RAB3C: variants seen among roughly 807,000 people sequenced by gnomAD.
RAB3C encodes RAB3C, member RAS oncogene family.
A neutral mutation model predicts 26.4 loss-of-function variants in RAB3C; 17 were observed. The observed-to-expected ratio is 0.64, with a 90% CI of 0.44 to 0.97. RAB3C has a LOEUF of 0.97. Ranked by LOEUF, RAB3C falls within the 50% of genes least tolerant of loss-of-function variation. The probability of loss-of-function intolerance (pLI) is 0.00; values close to 1 mark genes in which losing one functional copy is unlikely to be tolerated. For synonymous variants in RAB3C, 91 were observed against 95.9 expected (o/e 0.95, Z 0.30); for missense variants, 242 against 281.9 (o/e 0.86, Z 1.01).
intron 3 of RAB3C, among the ~76,000 whole-genome samples, chr5:58,730,109 A>G (rs936933324): frequency 3.3e-5 from 5 of 151,508 alleles, no homozygotes; most frequent in African/African-American, 1.2e-4. Context: ...TATTGCCGCT[A>G]TGGCACCAAT....
rs1401159336 is a variant in RAB3C, at chr5:58,855,179, A to G, written c.*3828A>G. 6.6e-6 allele frequency: 1 copy of G among 152,130 alleles called. No individual in the cohort carries two copies. The highest frequency in any genetic ancestry group is 1.5e-5 in the Non-Finnish European group (1 of 68,022). The allele number at this position is 152,130 out of a possible 1,614,324, so 9.4% of individuals were successfully genotyped here. A position where few individuals can be genotyped will look rare whatever the true frequency, so the allele number is the denominator to read the frequency against. On this transcript the variant is annotated 3_prime_UTR_variant, in exon 5 of 5. Coordinates refer to ENST00000282878, the MANE Select transcript of RAB3C (RefSeq NM_138453.4). Reference sequence around the variant, plus strand: ...TAGTTAACAGTGTGGCATTTGTGGGACTATATTAAAAGCATATCCAAACTA... The same window carrying G: ...TAGTTAACAGTGTGGCATTTGTGGGGCTATATTAAAAGCATATCCAAACTA...
chr5:58,589,816 T>C (rs1746091357), intron 1 of RAB3C, among the ~76,000 whole-genome samples: 1 of 152,178 alleles, frequency 6.6e-6, no homozygotes, highest in Non-Finnish European at 1.5e-5. Context: ...CAATACCTCT[T>C]AAAAGTAGAG....
At chr5:58,669,081 C>T (rs779330239) in intron 2 of RAB3C, among the ~76,000 whole-genome samples, 7 of 152,138 alleles carry the variant, frequency 4.6e-5, no homozygotes, top group African/African-American at 7.2e-5. Flanking sequence ...CCCCCACAAC[C>T]TAATTACCTC....
At chr5:58,785,254 C>A (rs1051268594) in intron 3 of RAB3C, among the ~76,000 whole-genome samples, 1 of 152,168 alleles carries the variant, frequency 6.6e-6, no homozygotes, top group South Asian at 2.1e-4. Flanking sequence ...GTGTCCCACC[C>A]CCCATAAAAT....
At chr5:58,711,380 T>G (rs1749059484) in intron 2 of RAB3C, among the ~76,000 whole-genome samples, 1 of 152,192 alleles carries the variant, frequency 6.6e-6, no homozygotes, top group Non-Finnish European at 1.5e-5. Context: ...AGAGAACTTT[T>G]CTCATTTATG....
intron 3 of RAB3C, among the ~76,000 whole-genome samples, chr5:58,764,737 T>G (rs1387441407): frequency 6.6e-6 from 1 of 152,204 alleles, no homozygotes; most frequent in Non-Finnish European, 1.5e-5. Flanking sequence ...CGATAATAAC[T>G]TGGCACATTT....
chr5:58,714,342 G>T (rs1296532761), intron 2 of RAB3C, among the ~76,000 whole-genome samples: 1 of 152,118 alleles, frequency 6.6e-6, no homozygotes, highest in African/African-American at 2.4e-5. Flanking sequence ...AGTGAAGATA[G>T]ACTATAACTA....
At chr5:58,626,664 C>T (rs6450488) in intron 2 of RAB3C, among the ~76,000 whole-genome samples, 2,132 of 152,122 alleles carry the variant, frequency 0.014, 43 homozygotes, top group African/African-American at 0.048. Flanking sequence ...ATAGTCTTAT[C>T]GTAAAGATGA....
intron 3 of RAB3C, among the ~76,000 whole-genome samples, chr5:58,819,540 A>C (rs377050498): frequency 6.6e-6 from 1 of 152,208 alleles, no homozygotes. Flanking sequence ...TCAAGAACAC[A>C]ATAGCATTTT....
At chr5:58,622,887 A>G (rs1746965656) in intron 2 of RAB3C, among the ~76,000 whole-genome samples, 3 of 152,206 alleles carry the variant, frequency 2.0e-5, no homozygotes, top group South Asian at 2.1e-4. Context: ...ACTTGACCAC[A>G]TGGTAGAAGA....
At chr5:58,844,308 A>G (rs1203498318) in intron 4 of RAB3C, among the ~76,000 whole-genome samples, 1 of 152,210 alleles carries the variant, frequency 6.6e-6, no homozygotes, top group African/African-American at 2.4e-5. Flanking sequence ...CAGAAGTAGG[A>G]AAATGCTACC....
chr5:58,826,672 A>T (rs1055465898), intron 4 of RAB3C, among the ~76,000 whole-genome samples: 1 of 152,206 alleles, frequency 6.6e-6, no homozygotes, highest in Non-Finnish European at 1.5e-5. Flanking sequence ...ACTTGATGAG[A>T]TTCACTCTGT....
chr5:58,603,384 C>T (rs916253082), intron 1 of RAB3C, among the ~76,000 whole-genome samples: 15 of 152,126 alleles, frequency 9.9e-5, no homozygotes, highest in African/African-American at 3.6e-4. Context: ...GGGAAGTTTT[C>T]CTCAATTATT....
At chr5:58,842,973 G>C (rs995142877) in intron 4 of RAB3C, among the ~76,000 whole-genome samples, 1 of 152,174 alleles carries the variant, frequency 6.6e-6, no homozygotes, top group African/African-American at 2.4e-5. Flanking sequence ...TAAGAAGATG[G>C]ACATTAGGGA....
chr5:58,654,131 G>T (rs958708509), intron 2 of RAB3C, among the ~76,000 whole-genome samples: 3 of 152,088 alleles, frequency 2.0e-5, no homozygotes, highest in Non-Finnish European at 2.9e-5. Context: ...AGCTGGCTTA[G>T]TCTAAGCATT....
At chr5:58,827,591 A>G (rs568860976) in intron 4 of RAB3C, among the ~76,000 whole-genome samples, 27 of 152,222 alleles carry the variant, frequency 1.8e-4, no homozygotes, top group Non-Finnish European at 2.1e-4. Context: ...CTTTCCATTC[A>G]GTAGACAGAT....
chr5:58,826,754 C>T (rs1394599939), intron 4 of RAB3C, among the ~76,000 whole-genome samples: 2 of 152,144 alleles, frequency 1.3e-5, no homozygotes, highest in Admixed American at 6.5e-5. Context: ...TCCCCAGAAG[C>T]AGTAATGTGT....
intron 2 of RAB3C, among the ~76,000 whole-genome samples, chr5:58,657,403 AAG>A (rs1747805308): frequency 6.6e-6 from 1 of 152,150 alleles, no homozygotes; most frequent in Non-Finnish European, 1.5e-5. Context: ...AAAAAAAGGA[AAG>A]AGTATTCGGG....
rs1744135348 is a variant in RAB3C at position 58,852,522 on chromosome 5, C to A, written c.*1171C>A. ...TGTTCATAAATTCTAAAGCATATTC[C>A]TATTACGTGAATGCTTAAGTTACAC... is the stretch of plus-strand genomic sequence containing the variant. On this transcript the variant is annotated 3_prime_UTR_variant, in exon 5 of 5. Coordinates refer to ENST00000282878, the MANE Select transcript of RAB3C (RefSeq NM_138453.4). 7 of 152,208 alleles carry A rather than the reference C, an allele frequency of 4.6e-5. No homozygotes were observed. In the South Asian group the frequency reaches 1.4e-3, roughly 32 times the overall value. The allele number at this position is 152,208 out of a possible 1,614,324, so 9.4% of individuals were successfully genotyped here.
Sources: allele counts gnomAD v4.1 joint callset (sites outside exome capture counted in the v4.1 genomes callset), GRCh38; gene constraint gnomAD v4.1.1; transcripts MANE v1.5; gene names NCBI Gene and HGNC (gene_info 2026-07-23, HGNC 2026-07-21).